The following AMMECR1 variants were observed in gnomAD, a reference collection of about 807,000 sequenced individuals.
AMMECR1 encodes the protein AMMECR nuclear protein 1.
Under a neutral mutation model 22.5 loss-of-function variants are expected in AMMECR1, and 3 were observed. That is an observed-to-expected ratio of 0.13 (90% CI 0.06 to 0.35). The LOEUF (loss-of-function observed/expected upper bound fraction) is 0.35, where lower values mean the gene tolerates loss of function less well. Among genes scored for constraint, AMMECR1 ranks in the 10% least tolerant of loss-of-function variants. The pLI, the probability that AMMECR1 is intolerant of heterozygous loss-of-function variation, is 1.00. For missense variants in AMMECR1, 235 were observed against 278.7 expected, an observed-to-expected ratio of 0.84 and a Z score of 1.12; for synonymous variants, 130 against 116.7, an observed-to-expected ratio of 1.11 and a Z score of -0.74.
chrX:110,225,109 C>A, intron 2 of AMMECR1: 1 of 363,519 alleles, frequency 2.8e-6, no homozygotes. Flanking sequence ...AAAGTTTGAG[C>A]ACACATCCTC....
intron 2 of AMMECR1, among the ~76,000 whole-genome samples, chrX:110,335,878 A>G (rs1410088662): frequency 8.9e-6 from 1 of 111,930 alleles, no homozygotes; most frequent in Admixed American, 9.5e-5. Flanking sequence ...GCAGCATGCA[A>G]GTCAACGAAC....
Position 110,386,825 on chromosome X carries a change from T to C in AMMECR1, c.-148+39833A>G, listed in dbSNP as rs1417441588. 6.2e-5 allele frequency among the ~76,000 whole-genome samples: 7 copies of C among 112,192 alleles called. No homozygotes were observed. The East Asian group carries it at 1.9e-3, about 31-fold the overall frequency. ...AGCTTCTCCTCTGTGCCAGGCACTGTGGGGGAATAAGACCTAACCTCTATT... is the reference window on the plus strand; with the variant it reads ...AGCTTCTCCTCTGTGCCAGGCACTGCGGGGGAATAAGACCTAACCTCTATT... On this transcript the variant is annotated intron_variant, in intron 2 of 7. Transcript: ENST00000372057.
chrX:110,394,728 G>C lies in AMMECR1; in HGVS notation c.-148+31930C>G, dbSNP rs952399733. Among the ~76,000 whole-genome samples, 6 of 112,698 alleles carry C rather than the reference G, an allele frequency of 5.3e-5. No homozygotes were observed. The Admixed American group carries it at 5.6e-4, about 11-fold the overall frequency. On this transcript the variant is annotated intron_variant, in intron 2 of 7. Coordinates refer to the AMMECR1 transcript ENST00000372057. ...GAGCCCCTTGCCTGCTTTTGCACAT[G>C]CATCTGCTCCTGGTGGATGACTCAC... is the stretch of plus-strand genomic sequence containing the variant.
intron 3 of AMMECR1, among the ~76,000 whole-genome samples, chrX:110,206,716 C>A (rs2067423547): frequency 9.0e-6 from 1 of 111,712 alleles, no homozygotes; most frequent in African/African-American, 3.3e-5. Flanking sequence ...TTCCCAATTA[C>A]ATCCTGGCCA....
At chrX:110,407,539 T>C (rs2068611380) in intron 2 of AMMECR1, among the ~76,000 whole-genome samples, 1 of 112,559 alleles carries the variant, frequency 8.9e-6, no homozygotes, top group African/African-American at 3.2e-5. Flanking sequence ...AGACATTCAT[T>C]ATTGTTGCCA....
Position 110,275,823 on chromosome X carries a change from TC to T in AMMECR1, c.474-11225del, listed in dbSNP as rs2067823351. Among the ~76,000 whole-genome samples the T allele has an allele frequency of 5.4e-5, 6 of 111,114 alleles. No individual in the cohort carries two copies. In the South Asian group the frequency reaches 2.3e-3, roughly 42 times the overall value. On this transcript the variant is annotated intron_variant, in intron 1 of 5. Transcript: ENST00000262844. ...CCAGCCTGGGCAACAAGAGTGAAAC[TC>T]CGTCTCAAAAATAAATAAATAAATA...
At chrX:110,285,392 G>A (rs936811088) in intron 1 of AMMECR1, among the ~76,000 whole-genome samples, 2 of 111,266 alleles carry the variant, frequency 1.8e-5, no homozygotes, top group Admixed American at 1.9e-4. Context: ...GAGGACCAGT[G>A]GTATACAAGA....
chrX:110,377,805 C>T (rs1006745604), intron 2 of AMMECR1, among the ~76,000 whole-genome samples: 52 of 108,683 alleles, frequency 4.8e-4, no homozygotes, highest in African/African-American at 1.7e-3. Flanking sequence ...GTCAGGAGAT[C>T]GAGACCATCC....
intron 2 of AMMECR1, among the ~76,000 whole-genome samples, chrX:110,226,431 C>T (rs928601618): frequency 1.8e-5 from 2 of 111,238 alleles, no homozygotes; most frequent in Admixed American, 9.5e-5. Flanking sequence ...TGGTAAAACC[C>T]CATCTCTACT....
At chrX:110,308,712 G>A (rs1266591630) in intron 1 of AMMECR1, among the ~76,000 whole-genome samples, 1 of 111,168 alleles carries the variant, frequency 9.0e-6, no homozygotes, top group African/African-American at 3.3e-5. Flanking sequence ...AGCCAAGCTA[G>A]TGGCAAGTTT....
At chrX:110,257,070 C>T (rs1366879326) in intron 2 of AMMECR1, among the ~76,000 whole-genome samples, 2 of 111,407 alleles carry the variant, frequency 1.8e-5, no homozygotes, top group African/African-American at 6.5e-5. Context: ...TATAAGTAAG[C>T]CCAACATTTA....
chrX:110,387,088 G>A (rs1016319772), intron 2 of AMMECR1, among the ~76,000 whole-genome samples: 1 of 112,068 alleles, frequency 8.9e-6, no homozygotes, highest in Non-Finnish European at 1.9e-5. Flanking sequence ...TAAGCAGTCT[G>A]TAATTAACTA....
At chrX:110,203,334 C>A (rs1440813067) in intron 3 of AMMECR1, among the ~76,000 whole-genome samples, 1 of 111,769 alleles carries the variant, frequency 8.9e-6, no homozygotes, top group East Asian at 2.8e-4. Context: ...TTCTAAGTAA[C>A]TGTGAGCAAT....
At chrX:110,333,177 CAGA>C (rs1291712963) in intron 2 of AMMECR1, among the ~76,000 whole-genome samples, 2 of 111,844 alleles carry the variant, frequency 1.8e-5, no homozygotes, top group East Asian at 5.6e-4. Context: ...ACAACCTTGA[CAGA>C]AGGAGGTAAA....
At chrX:110,215,034 ACTTTT>A (rs1249232389) in intron 3 of AMMECR1, among the ~76,000 whole-genome samples, 1 of 112,505 alleles carries the variant, frequency 8.9e-6, no homozygotes, top group Non-Finnish European at 1.9e-5. Context: ...ATATTTGTAG[ACTTTT>A]CTTTAAGAAA....
At chrX:110,408,450 C>T (rs943844721) in intron 2 of AMMECR1, among the ~76,000 whole-genome samples, 5 of 112,392 alleles carry the variant, frequency 4.4e-5, no homozygotes, top group African/African-American at 6.5e-5. Flanking sequence ...TCTAGCATCC[C>T]GAATAATTTT....
chrX:110,429,458 G>GTT (rs554736940), intron 1 of AMMECR1, among the ~76,000 whole-genome samples: 6 of 80,886 alleles, frequency 7.4e-5, no homozygotes, highest in Non-Finnish European at 1.0e-4. Context: ...GAGAAAAAGT[G>GTT]TTTTTTTTTT....
At chrX:110,201,553 TGGTATAC>T (rs1312195166) in intron 4 of AMMECR1, among the ~76,000 whole-genome samples, 1 of 111,854 alleles carries the variant, frequency 8.9e-6, no homozygotes, top group Non-Finnish European at 1.9e-5. Flanking sequence ...CTGACATGGA[TGGTATAC>T]TAGTATCTGA....
intron 2 of AMMECR1, among the ~76,000 whole-genome samples, chrX:110,217,157 A>G (rs1261299740): frequency 9.2e-6 from 1 of 108,978 alleles, no homozygotes; most frequent in Non-Finnish European, 1.9e-5. Context: ...ACAGCACTCA[A>G]AGAATTCAAA....
Sources: allele counts gnomAD v4.1 joint callset (sites outside exome capture counted in the v4.1 genomes callset), GRCh38; gene constraint gnomAD v4.1.1; transcripts MANE v1.5; gene names NCBI Gene and HGNC (gene_info 2026-07-23, HGNC 2026-07-21).